NOVA1: variants seen among roughly 807,000 people sequenced by gnomAD.
NOVA1 encodes RNA-binding protein Nova-1.
Under a neutral mutation model 38.0 loss-of-function variants are expected in NOVA1, and 7 were observed. The observed-to-expected ratio is 0.18, with a 90% CI of 0.10 to 0.35. The LOEUF is 0.35. Among genes scored for constraint, NOVA1 ranks in the 10% least tolerant of loss-of-function variants. NOVA1 has a pLI of 1.00. For synonymous variants in NOVA1, 270 were observed against 232.5 expected (o/e 1.16, Z -1.47); for missense variants, 460 against 616.0 (o/e 0.75, Z 2.68).
intron 2 of NOVA1, among the ~76,000 whole-genome samples, chr14:26,569,650 T>C (rs998195844): frequency 6.6e-6 from 1 of 152,212 alleles, no homozygotes; most frequent in Admixed American, 6.5e-5. Flanking sequence ...TAGATCTATA[T>C]ATACAATTTA....
At chr14:26,597,279 G>A in intron 1 of NOVA1, 22 bp downstream of exon 1, 1 of 1,242,462 alleles carries the variant, frequency 8.0e-7, no homozygotes, top group Non-Finnish European at 1.0e-6. Context: ...GGGGCCAGCG[G>A]GGAGGTGGAA....
intron 2 of NOVA1, among the ~76,000 whole-genome samples, chr14:26,516,321 A>C (rs1345484886): frequency 6.6e-6 from 1 of 152,056 alleles, no homozygotes; most frequent in African/African-American, 2.4e-5. Context: ...TTGTCTATTC[A>C]CTGTTAATGG....
chr14:26,454,576 C>A (rs1223905183), intron 4 of NOVA1, among the ~76,000 whole-genome samples: 1 of 152,084 alleles, frequency 6.6e-6, no homozygotes, highest in Non-Finnish European at 1.5e-5. Context: ...AATACAACTC[C>A]CTTTTTTGCT....
rs561063534 is a variant in NOVA1 at position 26,533,648 on chromosome 14, T to A, written c.281-53505A>T. On this transcript the variant is annotated intron_variant, in intron 2 of 4. Transcript: ENST00000539517. ...GCCTGTATTCATGAGGAAATCGTTA[T>A]CAGAAGTTCTGTTTAGATGTTAATT... 2.9e-3 allele frequency among the ~76,000 whole-genome samples: 437 copies of A among 152,340 alleles called. 2 individuals are homozygous for A. Among genetic ancestry groups the A allele is most frequent in the Non-Finnish European group, 4.8e-3 (325 of 68,018 alleles).
At chr14:26,558,902 T>C (rs1891650621) in intron 2 of NOVA1, among the ~76,000 whole-genome samples, 2 of 152,128 alleles carry the variant, frequency 1.3e-5, no homozygotes, top group South Asian at 4.1e-4. Flanking sequence ...GTAATATTGT[T>C]TGAGCAAAGT....
chr14:26,450,528 A>G (rs1294601415), intron 4 of NOVA1, among the ~76,000 whole-genome samples: 1 of 152,154 alleles, frequency 6.6e-6, no homozygotes, highest in Non-Finnish European at 1.5e-5. Flanking sequence ...AAGAACTTAG[A>G]AAGTTTGAGA....
chr14:26,595,463 T>G lies in NOVA1; in HGVS notation c.227A>C (p.Gln76Pro). ...GKGGQTIVQL[Q>P]KETGATIKLS... ...CTTGATGGTGGCTCCAGTTTCTTTTTGCAACTGAACAATTGTCTGTCCTCC... is the reference window on the plus strand; with the variant it reads ...CTTGATGGTGGCTCCAGTTTCTTTTGGCAACTGAACAATTGTCTGTCCTCC... The change falls in exon 2 of 5, where the codon CAA becomes CCA. Residue 76 changes from glutamine to proline, a missense_variant. By Grantham distance (76) the Gln-to-Pro change is moderately conservative. Transcript: ENST00000539517. The G allele has an allele frequency of 6.2e-7, 1 of 1,613,994 alleles. No individual in the cohort carries two copies. The highest frequency in any genetic ancestry group is 8.5e-7 in the Non-Finnish European group (1 of 1,179,898).
At chr14:26,540,696 G>C (rs1475358625) in intron 2 of NOVA1, among the ~76,000 whole-genome samples, 1 of 152,092 alleles carries the variant, frequency 6.6e-6, no homozygotes, top group Non-Finnish European at 1.5e-5. Flanking sequence ...CATCAAGTTG[G>C]AATAATGTGA....
At chr14:26,597,009 A>G in intron 1 of NOVA1, 1 of 1,260,574 alleles carries the variant, frequency 7.9e-7, no homozygotes, top group Non-Finnish European at 1.0e-6. Context: ...TAGGATATTT[A>G]CATGGTCAAC....
At chr14:26,542,812 T>A (rs556300776) in intron 2 of NOVA1, among the ~76,000 whole-genome samples, 84 of 151,696 alleles carry the variant, frequency 5.5e-4, no homozygotes, top group Middle Eastern at 3.4e-3. Context: ...TATTTTTACT[T>A]GCAACTTGAA....
chr14:26,568,037 G>A (rs1226413408), intron 2 of NOVA1, among the ~76,000 whole-genome samples: 1 of 152,120 alleles, frequency 6.6e-6, no homozygotes, highest in Non-Finnish European at 1.5e-5. Flanking sequence ...AGATAACAAT[G>A]AAAAGGGAAT....
chr14:26,536,921 C>T (rs1049724981), intron 2 of NOVA1, among the ~76,000 whole-genome samples: 3 of 152,080 alleles, frequency 2.0e-5, no homozygotes, highest in African/African-American at 7.2e-5. Flanking sequence ...TACACTACTA[C>T]TAGGAGAGTA....
At chr14:26,449,307 T>C (rs1296421146) in intron 4 of NOVA1, among the ~76,000 whole-genome samples, 1 of 152,140 alleles carries the variant, frequency 6.6e-6, no homozygotes, top group Non-Finnish European at 1.5e-5. Flanking sequence ...GCTCCAAAAA[T>C]CACATGCTGT....
At chr14:26,552,905 T>C (rs748915426) in intron 2 of NOVA1, among the ~76,000 whole-genome samples, 12 of 152,202 alleles carry the variant, frequency 7.9e-5, no homozygotes, top group Non-Finnish European at 1.6e-4. Context: ...GATGGTAGAA[T>C]GATAGCAAAG....
intron 4 of NOVA1, among the ~76,000 whole-genome samples, chr14:26,450,012 G>A (rs1245192): frequency 0.61 from 91,912 of 151,910 alleles, 31,611 homozygotes; most frequent in Non-Finnish European, 0.75. Flanking sequence ...TTATATTATG[G>A]AAGCATAATG....
intron 2 of NOVA1, among the ~76,000 whole-genome samples, chr14:26,504,054 A>G (rs1017268868): frequency 6.6e-6 from 1 of 152,152 alleles, no homozygotes; most frequent in Non-Finnish European, 1.5e-5. Context: ...TTCTGAATCA[A>G]AACTTCCTAG....
chr14:26,535,467 T>C (rs988303307), intron 2 of NOVA1, among the ~76,000 whole-genome samples: 1 of 152,130 alleles, frequency 6.6e-6, no homozygotes, highest in Non-Finnish European at 1.5e-5. Flanking sequence ...ATTATTCTAG[T>C]AGATACTTTA....
At chr14:26,548,084 T>C (rs1452717268) in intron 2 of NOVA1, among the ~76,000 whole-genome samples, 3 of 152,020 alleles carry the variant, frequency 2.0e-5, no homozygotes, top group Non-Finnish European at 4.4e-5. Flanking sequence ...ACTACAAAAT[T>C]AGATAGATAA....
At chr14:26,497,497 T>G (rs140964228) in intron 2 of NOVA1, among the ~76,000 whole-genome samples, 97 of 152,320 alleles carry the variant, frequency 6.4e-4, no homozygotes, top group Middle Eastern at 3.4e-3. Flanking sequence ...AGATCATGAT[T>G]AGACCTTTCT....
Sources: allele counts gnomAD v4.1 joint callset (sites outside exome capture counted in the v4.1 genomes callset), GRCh38; gene constraint gnomAD v4.1.1; transcripts MANE v1.5; gene names NCBI Gene and HGNC (gene_info 2026-07-23, HGNC 2026-07-21).